The following DOCK3 variants were observed in gnomAD, a reference collection of about 807,000 sequenced individuals.
DOCK3 encodes dedicator of cytokinesis 3.
DOCK3 carries 60 observed loss-of-function variants against 265.6 expected under a neutral mutation model. The observed-to-expected ratio is 0.23, with a 90% CI of 0.18 to 0.28. DOCK3 has a LOEUF of 0.28. Ranked by LOEUF, DOCK3 falls within the 10% of genes least tolerant of loss-of-function variation. The pLI, the probability that DOCK3 is intolerant of heterozygous loss-of-function variation, is 1.00. For missense variants in DOCK3, 1,981 were observed against 2,594.3 expected, an observed-to-expected ratio of 0.76 and a Z score of 5.14; for synonymous variants, 881 against 938.0, an observed-to-expected ratio of 0.94 and a Z score of 1.11.
chr3:50,869,840 C>T (rs2047352272), intron 3 of DOCK3, among the ~76,000 whole-genome samples: 1 of 152,040 alleles, frequency 6.6e-6, no homozygotes, highest in South Asian at 2.1e-4. Context: ...ATTTTTCTTT[C>T]CAGAAATTTG....
In DOCK3 at chr3:51,165,824, A is replaced by G. The variant is rs2086374767; in HGVS notation, c.1037+5122A>G. Among the ~76,000 whole-genome samples the G allele has an allele frequency of 2.6e-5, 4 of 152,062 alleles. No homozygotes were observed. The South Asian group carries it at 8.3e-4, about 31-fold the overall frequency. On this transcript the variant is annotated intron_variant, in intron 12 of 52. Transcript: ENST00000266037. ...CTGTTATATGTATAATTGATACATA[A>G]TTTTTAATTCTATACCATTATTTAT...
chr3:50,843,405 C>T (rs1469948232), intron 3 of DOCK3, among the ~76,000 whole-genome samples: 3 of 151,994 alleles, frequency 2.0e-5, no homozygotes, highest in African/African-American at 4.8e-5. Context: ...TATGTAGTCT[C>T]GGGGTTTCTC....
At chr3:51,304,678 C>T (rs994507603) in intron 27 of DOCK3, among the ~76,000 whole-genome samples, 3 of 152,234 alleles carry the variant, frequency 2.0e-5, no homozygotes, top group African/African-American at 4.8e-5. Context: ...CTGGGTAGCA[C>T]GATCCCTCAC....
intron 21 of DOCK3, among the ~76,000 whole-genome samples, chr3:51,244,720 A>AT (rs2078749294): frequency 6.6e-6 from 1 of 152,216 alleles, no homozygotes; most frequent in South Asian, 2.1e-4. Context: ...GCTATGTTGA[A>AT]TAAAAGTGTC....
intron 4 of DOCK3, among the ~76,000 whole-genome samples, chr3:50,890,871 G>A (rs759671756): frequency 2.0e-5 from 3 of 152,028 alleles, no homozygotes; most frequent in Non-Finnish European, 4.4e-5. Context: ...ATTTACACAC[G>A]TTTGAAGAGT....
At chr3:51,292,844 AT>A (rs768457011) in intron 27 of DOCK3, among the ~76,000 whole-genome samples, 5 of 148,806 alleles carry the variant, frequency 3.4e-5, no homozygotes, top group African/African-American at 9.8e-5. Flanking sequence ...CACCCAGCTA[AT>A]TTTTTTGTAT....
intron 3 of DOCK3, among the ~76,000 whole-genome samples, chr3:50,878,957 G>A (rs1575428064): frequency 2.0e-5 from 3 of 149,774 alleles, no homozygotes; most frequent in African/African-American, 4.9e-5. Context: ...AGCCAGAAGA[G>A]AGTGGGGGCC....
intron 1 of DOCK3, among the ~76,000 whole-genome samples, chr3:50,723,383 A>T (rs2037597176): frequency 6.6e-6 from 1 of 152,180 alleles, no homozygotes; most frequent in Admixed American, 6.5e-5. Context: ...TCAAAAAGTA[A>T]TGACTGGGTG....
At chr3:50,739,388 A>T (rs1237976566) in intron 1 of DOCK3, among the ~76,000 whole-genome samples, 2 of 151,746 alleles carry the variant, frequency 1.3e-5, no homozygotes, top group Non-Finnish European at 2.9e-5. Flanking sequence ...CTCATTAGTG[A>T]CTATATGTTT....
rs1436656355 is a variant in DOCK3, at chr3:51,357,109, G to C, written c.4651G>C (p.Ala1551Pro). 2 of 1,612,616 alleles carry C rather than the reference G, an allele frequency of 1.2e-6. No individual in the cohort carries two copies. The highest frequency in any genetic ancestry group is 2.2e-5 in the East Asian group (1 of 44,874). Residue 1551 changes from alanine to proline, a missense_variant, in exon 44 of 53, where the codon GCT becomes CCT. Ala to Pro is a conservative substitution (Grantham distance 27, BLOSUM62 -1). Transcript: ENST00000266037. ...GTGCCTGAATGGTGTCATTGATGCA[G>C]CTGTCAATGGAGGCATTGCACGCTA... ...SMCLNGVIDA[A>P]VNGGIARYQE...
chr3:50,895,839 A>G (rs1273601976), intron 4 of DOCK3, among the ~76,000 whole-genome samples: 3 of 152,188 alleles, frequency 2.0e-5, no homozygotes, highest in Non-Finnish European at 1.5e-5. Flanking sequence ...TGCAAAGGAC[A>G]TGAACTCATC....
At chr3:51,181,652 A>G (rs1414812079) in intron 12 of DOCK3, among the ~76,000 whole-genome samples, 2 of 152,212 alleles carry the variant, frequency 1.3e-5, no homozygotes, top group African/African-American at 2.4e-5. Flanking sequence ...AAAACATGAG[A>G]AAGTTATGGA....
At chr3:50,896,215 C>T (rs1455650915) in intron 4 of DOCK3, among the ~76,000 whole-genome samples, 3 of 152,168 alleles carry the variant, frequency 2.0e-5, no homozygotes, top group African/African-American at 7.2e-5. Flanking sequence ...GATGGTATTT[C>T]ATTGTGGTTT....
intron 5 of DOCK3, among the ~76,000 whole-genome samples, chr3:51,016,524 T>C (rs2079253171): frequency 1.6e-5 from 1 of 62,344 alleles, no homozygotes; most frequent in Non-Finnish European, 2.5e-5. Flanking sequence ...CATATATTTC[T>C]ATATAATATA....
intron 28 of DOCK3, 95 bp from the exon 29 acceptor site, chr3:51,311,906 CAAG>C: frequency 1.2e-6 from 1 of 803,252 alleles, no homozygotes; most frequent in African/African-American, 1.7e-5. Context: ...AAATTGTACT[CAAG>C]AAGTTTGCAC....
intron 4 of DOCK3, among the ~76,000 whole-genome samples, chr3:50,898,774 T>C (rs965858602): frequency 6.6e-6 from 1 of 152,190 alleles, no homozygotes; most frequent in African/African-American, 2.4e-5. Context: ...TCAGTTTCCA[T>C]GTAGTTGTGC....
chr3:50,690,876 C>T (rs1158172421), intron 1 of DOCK3, among the ~76,000 whole-genome samples: 3 of 151,828 alleles, frequency 2.0e-5, no homozygotes, highest in South Asian at 2.1e-4. Context: ...CTCCTGACTT[C>T]GTGATCCACC....
At chr3:51,251,143 G>T (rs146126387) in intron 22 of DOCK3, among the ~76,000 whole-genome samples, 2 of 152,176 alleles carry the variant, frequency 1.3e-5, no homozygotes, top group Non-Finnish European at 2.9e-5. Flanking sequence ...CCTTGCGATA[G>T]TTTGCTCAGA....
chr3:50,979,824 A>T (rs956029837), intron 5 of DOCK3, among the ~76,000 whole-genome samples: 1 of 152,208 alleles, frequency 6.6e-6, no homozygotes, highest in Non-Finnish European at 1.5e-5. Flanking sequence ...ACTTGACTGA[A>T]TTCATTTATT....
Sources: gnomAD v4.1 joint callset for allele counts (sites outside exome capture counted in the v4.1 genomes callset) on GRCh38, gnomAD v4.1.1 for gene constraint, MANE v1.5 for transcripts, NCBI Gene and HGNC (gene_info 2026-07-23, HGNC 2026-07-21) for gene names.